SHTN1: variants seen among roughly 807,000 people sequenced by gnomAD.
SHTN1 encodes shootin-1.
SHTN1 carries 42 observed loss-of-function variants against 83.1 expected under a neutral mutation model. That is an observed-to-expected ratio of 0.51 (90% confidence interval 0.39 to 0.65). The LOEUF is 0.65. Among genes scored for constraint, SHTN1 ranks in the 30% least tolerant of loss-of-function variants. The pLI is 0.00. For missense variants in SHTN1, 622 were observed against 737.8 expected, an observed-to-expected ratio of 0.84 and a Z score of 1.82; for synonymous variants, 224 against 247.7, an observed-to-expected ratio of 0.90 and a Z score of 0.90.
chr10:117,065,840 G>C (rs868574633), intron 1 of SHTN1, among the ~76,000 whole-genome samples: 14 of 72,556 alleles, frequency 1.9e-4, no homozygotes, highest in African/African-American at 6.7e-4. Flanking sequence ...AAGGAAGGAA[G>C]GAAGGAAGGA....
intron 12 of SHTN1, among the ~76,000 whole-genome samples, chr10:116,916,556 C>T (rs1848391062): frequency 6.6e-6 from 1 of 152,186 alleles, no homozygotes. Context: ...GTAGAAATGA[C>T]TAAACCCCAA....
At chr10:117,083,662 T>G (rs902676285) in intron 1 of SHTN1, among the ~76,000 whole-genome samples, 5 of 151,770 alleles carry the variant, frequency 3.3e-5, no homozygotes, top group Admixed American at 1.3e-4. Context: ...CCCCATCACT[T>G]TCAGGTACAC....
At chr10:117,109,552 A>ATTTTTTTTTTTTTT (rs1564962314) in intron 1 of SHTN1, among the ~76,000 whole-genome samples, 2 of 16,558 alleles carry the variant, frequency 1.2e-4, no homozygotes, top group East Asian at 1.5e-3. Context: ...AACATATATT[A>ATTTTTTTTTTTTTT]CTTTTTTTTT....
At chr10:116,901,523 C>G (rs1235250463) in intron 16 of SHTN1, 3 of 985,180 alleles carry the variant, frequency 3.0e-6, no homozygotes, top group Non-Finnish European at 3.6e-6. Context: ...GTAGAAGAAC[C>G]TGATTACCAA....
intron 9 of SHTN1, among the ~76,000 whole-genome samples, chr10:116,935,650 G>T (rs1256269219): frequency 6.6e-6 from 1 of 152,184 alleles, no homozygotes; most frequent in Non-Finnish European, 1.5e-5. Flanking sequence ...TTTCTGCCAG[G>T]TTTTGGTATC....
intron 1 of SHTN1, among the ~76,000 whole-genome samples, chr10:117,053,224 C>T (rs1852774998): frequency 6.6e-6 from 1 of 151,154 alleles, no homozygotes; most frequent in African/African-American, 2.4e-5. Context: ...ATAGATAGGA[C>T]ATGAAAAGCA....
intron 1 of SHTN1, among the ~76,000 whole-genome samples, chr10:117,107,422 T>C (rs1321604925): frequency 2.0e-5 from 3 of 150,964 alleles, no homozygotes; most frequent in Non-Finnish European, 4.4e-5. Flanking sequence ...ACATACTCCG[T>C]TCCGCAATAG....
intron 1 of SHTN1, among the ~76,000 whole-genome samples, chr10:116,984,576 C>G (rs1007325129): frequency 6.6e-6 from 1 of 152,168 alleles, no homozygotes; most frequent in Non-Finnish European, 1.5e-5. Context: ...TGCAGGATCA[C>G]CCTTGAGTTC....
chr10:117,040,199 A>G lies in SHTN1; in HGVS notation c.-123+8246T>C, dbSNP rs199723050. 6.6e-5 allele frequency among the ~76,000 whole-genome samples: 10 copies of G among 152,330 alleles called. No homozygotes were observed. The East Asian group carries it at 1.9e-3, about 29-fold the overall frequency. On this transcript the variant is annotated intron_variant, in intron 2 of 17. Coordinates refer to the SHTN1 transcript ENST00000392901. The stretch of plus-strand genomic sequence containing the variant: ...GAAAACCTGATTTGAAAATTTGTAT[A>G]GAAATACAAAGGACTTAGGGTAGCC...
chr10:117,124,868 G>C (rs1746908078), intron 1 of SHTN1, among the ~76,000 whole-genome samples: 1 of 152,238 alleles, frequency 6.6e-6, no homozygotes, highest in Admixed American at 6.5e-5. Context: ...GCCAATAAAA[G>C]TCAAAGGTGG....
chr10:117,108,743 G>C (rs146799613), intron 1 of SHTN1, among the ~76,000 whole-genome samples: 1 of 152,014 alleles, frequency 6.6e-6, no homozygotes, highest in Admixed American at 6.5e-5. Flanking sequence ...GAAAAAGTAC[G>C]TATTACCATG....
At chr10:117,008,593 A>G (rs1020558476), upstream of SHTN1, among the ~76,000 whole-genome samples, 2 of 152,182 alleles carry the variant, frequency 1.3e-5, no homozygotes, top group African/African-American at 4.8e-5. Context: ...TTGATCAGAA[A>G]AGACCAGATA....
At chr10:117,019,326 G>A (rs550494136) in intron 2 of SHTN1, among the ~76,000 whole-genome samples, 2 of 151,976 alleles carry the variant, frequency 1.3e-5, no homozygotes, top group African/African-American at 2.4e-5. Flanking sequence ...TGAGACCACA[G>A]ATGCAAGCCA....
chr10:116,978,622 A>T (rs143308477), intron 2 of SHTN1, among the ~76,000 whole-genome samples: 2,188 of 151,570 alleles, frequency 0.014, 18 homozygotes, highest in Non-Finnish European at 0.024. Context: ...TTAGCTATAT[A>T]TATTAGCAAG....
intron 1 of SHTN1, among the ~76,000 whole-genome samples, chr10:116,987,898 C>T (rs1284364820): frequency 6.7e-6 from 1 of 148,954 alleles, no homozygotes; most frequent in Non-Finnish European, 1.5e-5. Context: ...CTGGTAACAG[C>T]GAGACTCCGT....
rs962732088 is a variant in SHTN1, at chr10:117,059,991, T to C, written c.-188-11481A>G. Among the ~76,000 whole-genome samples the C allele has an allele frequency of 2.6e-5, 4 of 152,232 alleles. No homozygotes were observed. In the East Asian group the frequency reaches 7.7e-4, roughly 29 times the overall value. ...TTTGGGAGGCCAACGTGGGAGGATC[T>C]CTTGAGGCCAAGAGTTTGAGACCAA... On this transcript the variant is annotated intron_variant, in intron 1 of 17. Coordinates refer to the SHTN1 transcript ENST00000392901.
At chr10:116,909,365 T>C (rs1321875863) in intron 14 of SHTN1, among the ~76,000 whole-genome samples, 1 of 152,176 alleles carries the variant, frequency 6.6e-6, no homozygotes, top group Non-Finnish European at 1.5e-5. Context: ...ACTGAAGATG[T>C]CTGGAAAAGA....
At chr10:117,004,989 G>A (rs1305705030) in intron 1 of SHTN1, 33 bp downstream of exon 1, 10 of 1,568,814 alleles carry the variant, frequency 6.4e-6, no homozygotes, top group Admixed American at 1.9e-5. Flanking sequence ...ACGGGCCGCG[G>A]CTGCCCACAC....
intron 2 of SHTN1, among the ~76,000 whole-genome samples, chr10:117,029,519 C>G (rs1852376259): frequency 6.6e-6 from 1 of 152,108 alleles, no homozygotes; most frequent in Non-Finnish European, 1.5e-5. Context: ...ATCTCATGTT[C>G]AATTGGAATG....
Sources: allele counts gnomAD v4.1 joint callset (sites outside exome capture counted in the v4.1 genomes callset), GRCh38; gene constraint gnomAD v4.1.1; transcripts MANE v1.5; gene names NCBI Gene and HGNC (gene_info 2026-07-23, HGNC 2026-07-21).